LYRM4: variants seen among roughly 807,000 people sequenced by gnomAD.
The protein encoded by LYRM4 is LYR motif-containing protein 4.
Under a neutral mutation model 11.7 loss-of-function variants are expected in LYRM4, and 9 were observed. The ratio of observed to expected loss-of-function variants is 0.77; its 90% CI spans 0.46 to 1.34. The LOEUF (loss-of-function observed/expected upper bound fraction) is 1.34. LYRM4 is among the 40% of genes most tolerant of loss of function. The probability of loss-of-function intolerance (pLI) is 0.00; values close to 1 mark genes in which losing one functional copy is unlikely to be tolerated. For missense variants in LYRM4, 133 were observed against 112.5 expected (o/e 1.18, Z -0.82); for synonymous variants, 42 against 40.4 (o/e 1.04, Z -0.15).
Position 5,209,650 on chromosome 6 carries a change from A to G in LYRM4, c.207+6968T>C, listed in dbSNP as rs1177298627. Reference sequence around the variant, plus strand: ...ACTTCTACAAGGCCGGAAGGACCTCATAATTCCATGGTAACTCCCCATTTC... The same window carrying G: ...ACTTCTACAAGGCCGGAAGGACCTCGTAATTCCATGGTAACTCCCCATTTC... On this transcript the variant is annotated intron_variant, in intron 2 of 2. Coordinates refer to ENST00000330636, the MANE Select transcript of LYRM4 (RefSeq NM_020408.6). 2.0e-5 allele frequency among the ~76,000 whole-genome samples: 3 copies of G among 152,234 alleles called. No homozygotes were observed. The East Asian group carries it at 5.8e-4, about 29-fold the overall frequency.
chr6:5,059,294 C>T, the LYRM4 span, among the ~76,000 whole-genome samples: 3 of 142,882 alleles, frequency 2.1e-5, no homozygotes, highest in African/African-American at 5.3e-5. Context: ...TGAGCTATGA[C>T]GGTGGCACAG....
At chr6:5,120,053 T>G (rs1460297827) in intron 2 of LYRM4, among the ~76,000 whole-genome samples, 3 of 151,802 alleles carry the variant, frequency 2.0e-5, no homozygotes, top group Admixed American at 1.3e-4. Flanking sequence ...TGCCACCACG[T>G]CTGGCTAATT....
the LYRM4 span, among the ~76,000 whole-genome samples, chr6:5,092,967 G>C: frequency 6.6e-6 from 1 of 152,172 alleles, no homozygotes; most frequent in Non-Finnish European, 1.5e-5. Context: ...AGATCCAACT[G>C]GGTGTGAAGG....
At chr6:5,066,552 A>G in the LYRM4 span, 1 of 860,358 alleles carries the variant, frequency 1.2e-6, no homozygotes, top group Non-Finnish European at 2.0e-6. Flanking sequence ...AATCACTTGT[A>G]GTTTTCCATC....
intron 1 of LYRM4, among the ~76,000 whole-genome samples, chr6:5,229,544 T>C (rs538049204): frequency 6.6e-6 from 1 of 152,252 alleles, no homozygotes; most frequent in African/African-American, 2.4e-5. Context: ...AGTTAGAAAA[T>C]TCCCAAAGCC....
At chr6:5,143,722 A>G (rs1757539271) in intron 2 of LYRM4, among the ~76,000 whole-genome samples, 1 of 152,234 alleles carries the variant, frequency 6.6e-6, no homozygotes, top group South Asian at 2.1e-4. Flanking sequence ...GGCAAATTTT[A>G]CAGCAGAAGA....
intron 1 of LYRM4, among the ~76,000 whole-genome samples, chr6:5,229,171 C>G (rs955155809): frequency 3.9e-5 from 6 of 151,930 alleles, no homozygotes; most frequent in Non-Finnish European, 8.8e-5. Flanking sequence ...TTTTTAACGT[C>G]GTGGCTCTTG....
the LYRM4 span, among the ~76,000 whole-genome samples, chr6:5,036,607 G>A: frequency 5.9e-3 from 894 of 152,294 alleles, 9 homozygotes; most frequent in African/African-American, 0.02. Flanking sequence ...CCAGACTAGC[G>A]AGTGCTGATG....
chr6:5,085,558 G>A, the LYRM4 span: 4 of 1,542,336 alleles, frequency 2.6e-6, no homozygotes, highest in Non-Finnish European at 2.6e-6. Flanking sequence ...CCCGCCGGCC[G>A]AGGAGCTGCC....
intron 2 of LYRM4, among the ~76,000 whole-genome samples, chr6:5,171,948 T>C (rs34519114): frequency 0.01 from 1,547 of 152,236 alleles, 32 homozygotes; most frequent in African/African-American, 0.034. Context: ...CACCACTCCA[T>C]TGGAAGAGAG....
rs558707525 is a variant in LYRM4, at chr6:5,108,574, G to T, written c.*849C>A. 4 of 343,908 alleles carry T rather than the reference G, an allele frequency of 1.2e-5. No individual in the cohort carries two copies. Among genetic ancestry groups the T allele is most frequent in the African/African-American group, 8.9e-5 (4 of 44,864 alleles). The allele number at this position is 343,908 out of a possible 1,614,324, so 21.3% of individuals were successfully genotyped here. On this transcript the variant is annotated 3_prime_UTR_variant, in exon 3 of 3. Transcript: ENST00000330636. ...TACTGAGTCAGAATCTGCAGAGAGG[G>T]AAGTGCTGAGAGATGTCTTTTTAAA...
intron 1 of LYRM4, among the ~76,000 whole-genome samples, chr6:5,258,002 T>C (rs1581614776): frequency 1.3e-5 from 2 of 152,122 alleles, no homozygotes; most frequent in South Asian, 2.1e-4. Flanking sequence ...TCAGAGAAGG[T>C]GACAATTGAG....
intron 2 of LYRM4, among the ~76,000 whole-genome samples, chr6:5,164,873 C>G (rs1758978577): frequency 1.3e-5 from 2 of 148,830 alleles, no homozygotes; most frequent in African/African-American, 5.0e-5. Context: ...GAGGCTGAGG[C>G]AGGAGAATCG....
chr6:5,118,100 G>A (rs611558), intron 2 of LYRM4, among the ~76,000 whole-genome samples: 9 of 95,326 alleles, frequency 9.4e-5, no homozygotes, highest in South Asian at 3.9e-4. Flanking sequence ...ATATATTTTT[G>A]TTTTGTTTTG....
chr6:5,072,741 C>A, the LYRM4 span, among the ~76,000 whole-genome samples: 2 of 151,856 alleles, frequency 1.3e-5, no homozygotes, highest in African/African-American at 4.8e-5. Flanking sequence ...AAAGGTAAGA[C>A]CAGGTTTTTG....
At chr6:5,171,856 G>A (rs934899560) in intron 2 of LYRM4, among the ~76,000 whole-genome samples, 1 of 152,126 alleles carries the variant, frequency 6.6e-6, no homozygotes, top group Non-Finnish European at 1.5e-5. Flanking sequence ...ATGATTTTTA[G>A]GTTGAAGGGA....
chr6:5,084,567 G>A, the LYRM4 span: 6 of 152,104 alleles, frequency 3.9e-5, no homozygotes, highest in Non-Finnish European at 5.9e-5. Flanking sequence ...CGTGCTCCCG[G>A]GCCTGGCGCG....
rs1365289796 is a variant in LYRM4, at chr6:5,124,652, G to A, written c.208-15161C>T. On this transcript the variant is annotated intron_variant, in intron 2 of 2. Transcript: ENST00000330636. ...GTAGCCATTTAACAAAGGATCAACA[G>A]TGGGCGGCAGACTTCATCCTGACAG... Among the ~76,000 whole-genome samples, 10 of 152,302 alleles carry A rather than the reference G, an allele frequency of 6.6e-5. No homozygotes were observed. In the South Asian group the frequency reaches 1.7e-3, roughly 25 times the overall value.
At chr6:5,176,205 C>T (rs937035932) in intron 2 of LYRM4, among the ~76,000 whole-genome samples, 1 of 152,022 alleles carries the variant, frequency 6.6e-6, no homozygotes, top group Non-Finnish European at 1.5e-5. Flanking sequence ...GCTGGGACTA[C>T]AAGCATGTGC....
Sources: allele counts gnomAD v4.1 joint callset (sites outside exome capture counted in the v4.1 genomes callset), GRCh38; gene constraint gnomAD v4.1.1; transcripts MANE v1.5; gene names NCBI Gene and HGNC (gene_info 2026-07-23, HGNC 2026-07-21).